The following CACNA1B variants were observed in gnomAD, a reference collection of about 807,000 sequenced individuals.
The protein encoded by CACNA1B is calcium voltage-gated channel subunit alpha1 B, also known as voltage-dependent N-type calcium channel subunit alpha-1B.
Under a neutral mutation model 247.2 loss-of-function variants are expected in CACNA1B, and 70 were observed. The observed-to-expected ratio is 0.28, with a 90% confidence interval of 0.23 to 0.35. The LOEUF is 0.35. CACNA1B is among the 10% of genes least tolerant of loss of function. CACNA1B has a pLI of 1.00. For missense variants in CACNA1B, 2,367 were observed against 3,197.4 expected (o/e 0.74, Z 6.26); for synonymous variants, 1,231 against 1,294.4 (o/e 0.95, Z 1.05).
In CACNA1B at chr9:137,957,414, C is replaced by G. The variant is rs1200920616; in HGVS notation, c.1244-184C>G. Among the ~76,000 whole-genome samples, 1 of 152,226 alleles carries G rather than the reference C, an allele frequency of 6.6e-6. No individual in the cohort carries two copies. ...CCCTCACCCTCAAAATTCCTTGTCC[C>G]TTCAGCTCTGGGGACTGGGAGGGAC... On this transcript the variant is annotated intron_variant, in intron 9 of 46. Transcript: ENST00000371372. The surrounding 1 kb of genome is among the most constrained non-coding windows in gnomAD (Gnocchi z 4.7).
intron 20 of CACNA1B, among the ~76,000 whole-genome samples, chr9:138,033,971 T>C (rs1959014307): frequency 6.6e-6 from 1 of 152,182 alleles, no homozygotes; most frequent in Non-Finnish European, 1.5e-5. Context: ...AATAGAAGTA[T>C]GGATTCTTCA....
rs556875950 is a variant in CACNA1B at position 138,087,483 on chromosome 9, G to A, written c.5095-9001G>A. Among the ~76,000 whole-genome samples the A allele has an allele frequency of 4.1e-5, 6 of 147,692 alleles. 1 individual carries two copies. The East Asian group carries it at 8.9e-4, about 22-fold the overall frequency. On this transcript the variant is annotated intron_variant, in intron 36 of 46. Coordinates refer to ENST00000371372, the MANE Select transcript of CACNA1B (RefSeq NM_000718.4). ...TGTAGTCCCAGCACTTTGGGAGGCC[G>A]AGGTGGGTGGATCACGAGGTCAAGA...
intron 6 of CACNA1B, among the ~76,000 whole-genome samples, chr9:137,938,480 A>C (rs1437553478): frequency 6.6e-6 from 1 of 152,166 alleles, no homozygotes; most frequent in African/African-American, 2.4e-5. Flanking sequence ...GGAATGCATA[A>C]GGATTCACCA....
intron 15 of CACNA1B, among the ~76,000 whole-genome samples, chr9:137,993,847 A>G (rs964211628): frequency 1.3e-5 from 2 of 152,222 alleles, no homozygotes; most frequent in African/African-American, 2.4e-5. Flanking sequence ...AAATCATTCT[A>G]TAAGCCAATA....
Position 138,049,199 on chromosome 9 carries a change from T to G in CACNA1B, c.3604-10T>G. 8 of 1,564,508 alleles carry G rather than the reference T, an allele frequency of 5.1e-6. No individual in the cohort carries two copies. Among genetic ancestry groups the G allele is most frequent in the Non-Finnish European group, 6.2e-6 (7 of 1,134,716 alleles). On this transcript the variant is annotated splice_polypyrimidine_tract_variant and intron_variant, in intron 23 of 46. Coordinates refer to ENST00000371372, the MANE Select transcript of CACNA1B (RefSeq NM_000718.4). ...CTATGACGTATCTAACGTGTGTTTC[T>G]CCCTCCTAGATGATCGACTTGGGAC...
chr9:138,011,394 T>C lies in CACNA1B; in HGVS notation c.2160+1317T>C, dbSNP rs1958722604. Among the ~76,000 whole-genome samples the C allele has an allele frequency of 6.6e-6, 1 of 152,178 alleles. No homozygotes were observed. The highest frequency in any genetic ancestry group is 2.1e-4 in the South Asian group (1 of 4,826). ...CCCCTTTTGTGTAACTGGCCTCATT[T>C]AGGAATTTCTTCTCTGAGGATCGGG... is the stretch of plus-strand genomic sequence containing the variant. On this transcript the variant is annotated intron_variant, in intron 17 of 46. Transcript: ENST00000371372. The surrounding 1 kb of genome is among the most constrained non-coding windows in gnomAD (Gnocchi z 4.2).
chr9:137,991,460 G>A (rs1014179891), intron 15 of CACNA1B, among the ~76,000 whole-genome samples: 7 of 152,238 alleles, frequency 4.6e-5, no homozygotes, highest in Admixed American at 4.6e-4. Flanking sequence ...TGGTGTTCCT[G>A]AGGAAGAAGA....
At position 138,057,655 on chromosome 9, in the gene CACNA1B, G is replaced by A. The variant is rs1959561306; in HGVS notation, c.3969-77G>A. The A allele has an allele frequency of 2.1e-6, 3 of 1,439,476 alleles. No individual in the cohort carries two copies. Among genetic ancestry groups the A allele is most frequent in the Non-Finnish European group, 1.9e-6 (2 of 1,050,360 alleles). The allele number at this position is 1,439,476 out of a possible 1,614,324, so 89.2% of individuals were successfully genotyped here. On this transcript the variant is annotated intron_variant, in intron 26 of 46. Transcript: ENST00000371372. This position sits in a 1 kb window ranked among gnomAD's most constrained non-coding sequence, Gnocchi z 4.0. Reference sequence around the variant, plus strand: ...GAGGCCATTCTTTCCCCACGGAATGGTTTCAACACTCTTGATAGGTGGGTT... The same window carrying A: ...GAGGCCATTCTTTCCCCACGGAATGATTTCAACACTCTTGATAGGTGGGTT...
chr9:137,935,782 CTT>C (rs71387877), intron 6 of CACNA1B, among the ~76,000 whole-genome samples: 8 of 146,608 alleles, frequency 5.5e-5, no homozygotes, highest in African/African-American at 7.5e-5. Context: ...CTGACTTTTT[CTT>C]TTTTTTTTTT....
At position 137,971,389 on chromosome 9, in the gene CACNA1B, C is replaced by G. The variant is rs765496718; in HGVS notation, c.1340C>G (p.Pro447Arg). The G allele has an allele frequency of 2.5e-6, 4 of 1,609,636 alleles. No individual in the cohort carries two copies. In the Middle Eastern group the frequency reaches 5.0e-4, roughly 199 times the overall value. ...RFADLCAVGSPFARASLKSGK... is the reference protein window; with the variant it reads ...RFADLCAVGSRFARASLKSGK... ...TAACTCCCCATCCCCTCAGGATCCC[C>G]CTTCGCCCGCGCCAGCCTCAAGAGC... The change falls in exon 11 of 47, where the codon CCC becomes CGC. Residue 447 changes from proline to arginine, a missense_variant. Physicochemically the swap from Pro to Arg is moderately radical, Grantham distance 103. This residue lies in a region of CACNA1B where 219 missense variants were observed against 297.6 expected (regional missense o/e 0.74). Coordinates refer to ENST00000371372, the MANE Select transcript of CACNA1B (RefSeq NM_000718.4). The surrounding 1 kb of genome is among the most constrained non-coding windows in gnomAD (Gnocchi z 4.4).
chr9:138,021,507 G>A (rs1182664149), intron 18 of CACNA1B, among the ~76,000 whole-genome samples: 4 of 152,264 alleles, frequency 2.6e-5, no homozygotes, highest in Non-Finnish European at 4.4e-5. Context: ...CTCTGTCTTT[G>A]CAGGTCAGAG....
intron 26 of CACNA1B, among the ~76,000 whole-genome samples, chr9:138,055,790 G>C (rs769991423): frequency 2.0e-5 from 3 of 152,272 alleles, no homozygotes; most frequent in East Asian, 3.9e-4. Context: ...ACTTTGGGAG[G>C]CTGAGGTGGG....
At chr9:137,960,434 CGGAGGGGGAGGGGAGGTCG>C (rs1958005498) in intron 10 of CACNA1B, among the ~76,000 whole-genome samples, 2 of 17,252 alleles carry the variant, frequency 1.2e-4, no homozygotes, top group Non-Finnish European at 2.4e-4. Flanking sequence ...GCCTGAGAGA[CGGAGGGGGAGGGGAGGTCG>C]GCCTGAATGA....
rs144331179 is a variant in CACNA1B at position 138,114,949 on chromosome 9, G to A, written c.5649+459G>A. Among the ~76,000 whole-genome samples, 70 of 152,236 alleles carry A rather than the reference G, an allele frequency of 4.6e-4. No individual in the cohort carries two copies. The East Asian group carries it at 7.9e-3, about 17-fold the overall frequency. On this transcript the variant is annotated intron_variant, in intron 41 of 46. Transcript: ENST00000371372. ...TTTGGGGACCCATCTTCCCGATGTCGTCCTTCCCACACAGCCGTGTCTTCG... is the reference window on the plus strand; with the variant it reads ...TTTGGGGACCCATCTTCCCGATGTCATCCTTCCCACACAGCCGTGTCTTCG...
chr9:138,051,973 C>T lies in CACNA1B; in HGVS notation c.3711-119C>T. 3.2e-6 allele frequency: 2 copies of T among 620,008 alleles called. No homozygotes were observed. The highest frequency in any genetic ancestry group is 5.9e-6 in the Non-Finnish European group (2 of 340,942). 38.4% of individuals were successfully genotyped at this position (620,008 alleles called of 1,614,324 possible). A position where few individuals can be genotyped will look rare whatever the true frequency, so the allele number is the denominator to read the frequency against. On this transcript the variant is annotated intron_variant, in intron 24 of 46. Transcript: ENST00000371372. This position sits in a 1 kb window ranked among gnomAD's most constrained non-coding sequence, Gnocchi z 4.3. ...AAGGCCTCTCTGCTCCTGGGTCCTC[C>T]ACCCTGGAGTCTGAGACAAAATGCA...
chr9:137,989,492 G>A (rs1405205737), intron 15 of CACNA1B, among the ~76,000 whole-genome samples: 1 of 152,184 alleles, frequency 6.6e-6, no homozygotes, highest in African/African-American at 2.4e-5. Flanking sequence ...TGATCAAGCA[G>A]GATAAACAAA....
In CACNA1B at chr9:137,888,675, G is replaced by C. The variant is rs1455051606; in HGVS notation, c.530+5792G>C. On this transcript the variant is annotated intron_variant, in intron 3 of 46. Coordinates refer to ENST00000371372, the MANE Select transcript of CACNA1B (RefSeq NM_000718.4). The surrounding 1 kb of genome is among the most constrained non-coding windows in gnomAD (Gnocchi z 4.7). Reference sequence around the variant, plus strand: ...CCCGGCCTCCTGTGGGTTGAAGAGAGGGTGTGTGGGTGTGTGGCCGCTGCA... The same window carrying C: ...CCCGGCCTCCTGTGGGTTGAAGAGACGGTGTGTGGGTGTGTGGCCGCTGCA... Among the ~76,000 whole-genome samples the C allele has an allele frequency of 6.6e-6, 1 of 152,214 alleles. No individual in the cohort carries two copies. Among genetic ancestry groups the C allele is most frequent in the Non-Finnish European group, 1.5e-5 (1 of 68,030 alleles).
chr9:138,056,155 G>A (rs1248787254), intron 26 of CACNA1B, among the ~76,000 whole-genome samples: 2 of 152,080 alleles, frequency 1.3e-5, no homozygotes, highest in Non-Finnish European at 2.9e-5. Context: ...ACAGGTACAT[G>A]CAAGCATCGC....
rs757840683 is a variant in CACNA1B at position 137,957,622 on chromosome 9, A to G, written c.1268A>G (p.Lys423Arg). ...GTGCTGAAGAGAGCGGCCACCAAGAAGAGCAGAAATGACCTGATCCACGCA... is the reference window on the plus strand; with the variant it reads ...GTGCTGAAGAGAGCGGCCACCAAGAGGAGCAGAAATGACCTGATCCACGCA... The part of the protein sequence containing the change: ...LDVLKRAATK[K>R]SRNDLIHAEE... Residue 423 changes from lysine to arginine, a missense_variant, in exon 10 of 47, where the codon AAG (lysine) becomes AGG (arginine). Transcript: ENST00000371372. This position sits in a 1 kb window ranked among gnomAD's most constrained non-coding sequence, Gnocchi z 4.7. 1 of 1,600,910 alleles carries G rather than the reference A, an allele frequency of 6.2e-7. No homozygotes were observed. The highest frequency in any genetic ancestry group is 1.3e-5 in the African/African-American group (1 of 74,804).
Sources: gnomAD v4.1 joint callset for allele counts (sites outside exome capture counted in the v4.1 genomes callset) on GRCh38, gnomAD v4.1.1 for gene constraint, gnomAD v4.1.1 regional missense constraint, Gnocchi (gnomAD v3.1) non-coding constraint, MANE v1.5 for transcripts, NCBI Gene and HGNC (gene_info 2026-07-23, HGNC 2026-07-21) for gene names.